Variants in KIF26B observed in about 807,000 individuals in gnomAD.
KIF26B encodes kinesin-like protein KIF26B.
A neutral mutation model predicts 151.2 loss-of-function variants in KIF26B; 63 were observed. The observed-to-expected ratio is 0.42, with a 90% confidence interval of 0.34 to 0.51. The LOEUF (loss-of-function observed/expected upper bound fraction) is 0.51. Among genes scored for constraint, KIF26B ranks in the 20% least tolerant of loss-of-function variants. The pLI, the probability that KIF26B is intolerant of heterozygous loss-of-function variation, is 0.07. For missense variants in KIF26B, 2,813 were observed against 2,913.6 expected (o/e 0.97, Z 0.79); for synonymous variants, 1,357 against 1,262.1 (o/e 1.08, Z -1.59).
chr1:245,551,735 G>T (rs1340824488), intron 5 of KIF26B, among the ~76,000 whole-genome samples: 1 of 152,154 alleles, frequency 6.6e-6, no homozygotes, highest in African/African-American at 2.4e-5. Context: ...TTGTCTGGAG[G>T]CTCCCAGGGT....
At chr1:245,690,738 CCT>C (rs2044613061) in intron 12 of KIF26B, among the ~76,000 whole-genome samples, 2 of 149,106 alleles carry the variant, frequency 1.3e-5, no homozygotes, top group African/African-American at 5.0e-5. Flanking sequence ...TCTTTATTTG[CCT>C]GGGGGGGGGG....
intron 4 of KIF26B, among the ~76,000 whole-genome samples, chr1:245,454,931 G>T (rs1659480041): frequency 6.6e-6 from 1 of 152,176 alleles, no homozygotes; most frequent in African/African-American, 2.4e-5. Context: ...AGTTTTGGAT[G>T]ATCACAAACT....
Position 245,694,563 on chromosome 1 carries a change from T to G in KIF26B, c.5825-3543T>G, listed in dbSNP as rs1031202544. Among the ~76,000 whole-genome samples the G allele has an allele frequency of 2.0e-5, 3 of 152,276 alleles. No homozygotes were observed. In the South Asian group the frequency reaches 6.2e-4, roughly 32 times the overall value. On this transcript the variant is annotated intron_variant, in intron 12 of 14. Coordinates refer to ENST00000407071, the MANE Select transcript of KIF26B (RefSeq NM_018012.4). ...GCAGACTCGTGTGGGGACTTCTGTC[T>G]GGACTCAGGGATGTTAAGAGTAGAA...
intron 2 of KIF26B, among the ~76,000 whole-genome samples, chr1:245,217,213 A>T (rs1669665440): frequency 6.6e-6 from 1 of 152,226 alleles, no homozygotes; most frequent in African/African-American, 2.4e-5. Context: ...CAATGACAAG[A>T]ACAACAAAAA....
intron 2 of KIF26B, among the ~76,000 whole-genome samples, chr1:245,229,483 C>A (rs940890914): frequency 2.1e-4 from 32 of 152,316 alleles, no homozygotes; most frequent in African/African-American, 7.2e-4. Flanking sequence ...TCAACTTTGA[C>A]ACATTCGCAG....
At chr1:245,628,245 G>GAGCCA (rs2043744785) in intron 9 of KIF26B, among the ~76,000 whole-genome samples, 1 of 152,066 alleles carries the variant, frequency 6.6e-6, no homozygotes, top group African/African-American at 2.4e-5. Flanking sequence ...GCACTTAGGG[G>GAGCCA]AGCCAAGCAG....
intron 2 of KIF26B, among the ~76,000 whole-genome samples, chr1:245,216,730 T>C (rs1358655627): frequency 2.0e-5 from 3 of 152,284 alleles, no homozygotes; most frequent in Admixed American, 2.0e-4. Context: ...GGCTCTGCAA[T>C]GTGGAATGTC....
chr1:245,279,185 A>G (rs1670991891), intron 2 of KIF26B, among the ~76,000 whole-genome samples: 1 of 151,994 alleles, frequency 6.6e-6, no homozygotes, highest in Non-Finnish European at 1.5e-5. Context: ...TCTGAAAAGA[A>G]CTCATAATTA....
chr1:245,380,955 GAAA>G (rs35477111), intron 3 of KIF26B, among the ~76,000 whole-genome samples: 1,342 of 77,896 alleles, frequency 0.017, 22 homozygotes, highest in African/African-American at 0.051. Flanking sequence ...CCAAAAAGAT[GAAA>G]AAAAAAAAAA....
intron 4 of KIF26B, among the ~76,000 whole-genome samples, chr1:245,466,747 G>A (rs1474944773): frequency 6.6e-6 from 1 of 152,148 alleles, no homozygotes; most frequent in African/African-American, 2.4e-5. Context: ...CCAACATGGT[G>A]AAACCCTGTC....
intron 2 of KIF26B, among the ~76,000 whole-genome samples, chr1:245,206,250 A>C (rs1461714674): frequency 6.6e-6 from 1 of 152,196 alleles, no homozygotes; most frequent in East Asian, 1.9e-4. Context: ...GGTGGGCAGA[A>C]ATGGTATATT....
intron 3 of KIF26B, among the ~76,000 whole-genome samples, chr1:245,390,421 G>A (rs1196304322): frequency 6.6e-6 from 1 of 152,068 alleles, no homozygotes; most frequent in East Asian, 1.9e-4. Context: ...GTTTCACCAT[G>A]TTGGCCAGGA....
chr1:245,652,139 T>A (rs1258873803), intron 10 of KIF26B, among the ~76,000 whole-genome samples: 3 of 100,170 alleles, frequency 3.0e-5, no homozygotes, highest in African/African-American at 6.5e-5. Flanking sequence ...TGTGTGTGTG[T>A]GTGTGTGAGA....
chr1:245,320,656 T>G (rs1273334516), intron 2 of KIF26B, among the ~76,000 whole-genome samples: 1 of 152,082 alleles, frequency 6.6e-6, no homozygotes, highest in East Asian at 1.9e-4. Flanking sequence ...TGGTTTTTTT[T>G]GTTGTTGTTT....
intron 2 of KIF26B, among the ~76,000 whole-genome samples, chr1:245,302,081 A>G (rs550564931): frequency 2.0e-5 from 3 of 152,190 alleles, no homozygotes; most frequent in Non-Finnish European, 4.4e-5. Flanking sequence ...GGAATGAAGA[A>G]TTTGGTTTTC....
chr1:245,278,622 T>G (rs1670980334), intron 2 of KIF26B, among the ~76,000 whole-genome samples: 1 of 152,172 alleles, frequency 6.6e-6, no homozygotes. Context: ...AAGATAAATA[T>G]TGGTGATGGG....
intron 5 of KIF26B, among the ~76,000 whole-genome samples, chr1:245,541,933 C>T (rs1661635272): frequency 6.6e-6 from 1 of 152,222 alleles, no homozygotes; most frequent in Admixed American, 6.5e-5. Context: ...TCTACCCTCT[C>T]TTCTTTTCAC....
chr1:245,233,503 C>G (rs1279179592), intron 2 of KIF26B, among the ~76,000 whole-genome samples: 1 of 152,176 alleles, frequency 6.6e-6, no homozygotes, highest in African/African-American at 2.4e-5. Flanking sequence ...CATACCAGAT[C>G]TCTTGAAACA....
intron 2 of KIF26B, among the ~76,000 whole-genome samples, chr1:245,188,101 A>G (rs4658721): frequency 0.87 from 131,280 of 151,520 alleles, 57,444 homozygotes; most frequent in Non-Finnish European, 0.94. Flanking sequence ...CCGACATGGC[A>G]AAACCCCATC....
Sources: gnomAD v4.1 joint callset for allele counts (sites outside exome capture counted in the v4.1 genomes callset) on GRCh38, gnomAD v4.1.1 for gene constraint, MANE v1.5 for transcripts, NCBI Gene and HGNC (gene_info 2026-07-23, HGNC 2026-07-21) for gene names.